Variants in RDX observed in about 807,000 individuals in gnomAD.
RDX encodes radixin, also known as deafness, autosomal recessive 24.
A neutral mutation model predicts 83.7 loss-of-function variants in RDX; 32 were observed. The ratio of observed to expected loss-of-function variants is 0.38; its 90% CI spans 0.29 to 0.51. RDX has a LOEUF of 0.51. Among genes scored for constraint, RDX ranks in the 20% least tolerant of loss-of-function variants. The probability of loss-of-function intolerance (pLI) is 0.87; values close to 1 mark genes in which losing one functional copy is unlikely to be tolerated. For missense variants in RDX, 600 were observed against 689.9 expected (o/e 0.87, Z 1.46); for synonymous variants, 229 against 222.7 (o/e 1.03, Z -0.25).
At chr11:110,222,534 C>T (rs1331541368) in intron 14 of RDX, among the ~76,000 whole-genome samples, 1 of 152,190 alleles carries the variant, frequency 6.6e-6, no homozygotes, top group Non-Finnish European at 1.5e-5. Flanking sequence ...TGGTGGCTGA[C>T]ACCTGTAATC....
At chr11:110,295,907 T>C (rs1861436434) in intron 1 of RDX, among the ~76,000 whole-genome samples, 2 of 152,126 alleles carry the variant, frequency 1.3e-5, no homozygotes, top group African/African-American at 4.8e-5. Flanking sequence ...CCAAAGCCTG[T>C]CATGCAACAT....
intron 11 of RDX, chr11:110,236,484 CAAT>C (rs1864855496): frequency 6.2e-6 from 2 of 321,458 alleles, no homozygotes; most frequent in East Asian, 1.4e-4. Context: ...AAATTTCCAT[CAAT>C]AAACTATTTG....
At chr11:110,292,858 T>C (rs2134457378) in intron 1 of RDX, among the ~76,000 whole-genome samples, 1 of 152,342 alleles carries the variant, frequency 6.6e-6, no homozygotes, top group Admixed American at 6.5e-5. Flanking sequence ...ACTTTTTTTG[T>C]AAAGAGCAAG....
chr11:110,293,809 C>T (rs1473731093), intron 1 of RDX, among the ~76,000 whole-genome samples: 1 of 152,186 alleles, frequency 6.6e-6, no homozygotes, highest in African/African-American at 2.4e-5. Context: ...ATATAAACTC[C>T]AGCAGCATAT....
chr11:110,257,766 C>T lies in RDX; in HGVS notation c.698+1G>A, dbSNP rs1191259480. On this transcript the variant is annotated splice_donor_variant, in intron 7 of 13. Transcript: ENST00000645495. LOFTEE classifies it high-confidence loss of function. The stretch of plus-strand genomic sequence containing the variant: ...GTTCACTATGCAACTAATTTACTTA[C>T]TTGTCGTCATGCTCATAAATATTCA... 1 of 1,611,554 alleles carries T rather than the reference C, an allele frequency of 6.2e-7. No homozygotes were observed. The highest frequency in any genetic ancestry group is 1.3e-5 in the African/African-American group (1 of 74,856).
intron 1 of RDX, among the ~76,000 whole-genome samples, chr11:110,295,321 AAAAAAAG>A (rs1199341566): frequency 6.6e-6 from 1 of 151,406 alleles, no homozygotes; most frequent in East Asian, 1.9e-4. Context: ...AAAAAAAAAA[AAAAAAAG>A]AAGTATGCTC....
downstream of RDX, among the ~76,000 whole-genome samples, chr11:110,228,694 C>T (rs1021635044): frequency 3.3e-5 from 5 of 151,686 alleles, no homozygotes; most frequent in African/African-American, 9.7e-5. Context: ...GGACAGAATA[C>T]AGTGGGATTT....
intron 5 of RDX, among the ~76,000 whole-genome samples, chr11:110,259,688 T>A (rs1458638934): frequency 2.6e-5 from 4 of 152,192 alleles, no homozygotes; most frequent in African/African-American, 4.8e-5. Flanking sequence ...TCTTGCTGTC[T>A]GGCCTCTGGG....
intron 15 of RDX, among the ~76,000 whole-genome samples, chr11:110,196,418 T>C (rs1173680465): frequency 6.6e-6 from 1 of 152,220 alleles, no homozygotes; most frequent in Non-Finnish European, 1.5e-5. Flanking sequence ...CACTCTGACC[T>C]CAGCCTGGTT....
intron 1 of RDX, among the ~76,000 whole-genome samples, chr11:110,286,072 C>G (rs1860968598): frequency 6.6e-6 from 1 of 152,058 alleles, no homozygotes; most frequent in South Asian, 2.1e-4. Context: ...TAATTTTAAT[C>G]TGCAAGTTTA....
At chr11:110,226,764 T>C (rs907782485), downstream of RDX, among the ~76,000 whole-genome samples, 2 of 152,200 alleles carry the variant, frequency 1.3e-5, no homozygotes, top group Admixed American at 6.5e-5. Flanking sequence ...TGAGTCTTCC[T>C]AGGTTAGAAA....
chr11:110,260,545 G>A (rs1483238846), intron 5 of RDX, among the ~76,000 whole-genome samples: 1 of 152,168 alleles, frequency 6.6e-6, no homozygotes, highest in Non-Finnish European at 1.5e-5. Flanking sequence ...GGGTTCCAGT[G>A]ATTCTCAGGT....
intron 10 of RDX, among the ~76,000 whole-genome samples, chr11:110,246,322 T>C (rs1049697876): frequency 6.6e-6 from 1 of 152,210 alleles, no homozygotes; most frequent in African/African-American, 2.4e-5. Context: ...CCCTTACAAT[T>C]ATTCTACTCA....
chr11:110,271,823 T>C (rs1468200802), intron 3 of RDX, among the ~76,000 whole-genome samples: 1 of 152,172 alleles, frequency 6.6e-6, no homozygotes, highest in African/African-American at 2.4e-5. Context: ...GGGATCTCTG[T>C]ATAGCCTATA....
chr11:110,279,108 C>T (rs1591180485), intron 2 of RDX, among the ~76,000 whole-genome samples: 1 of 152,282 alleles, frequency 6.6e-6, no homozygotes, highest in East Asian at 1.9e-4. Context: ...TCCCATTTAA[C>T]AATGTTACCA....
chr11:110,276,684 T>C (rs1167984241), intron 2 of RDX, among the ~76,000 whole-genome samples: 7 of 152,236 alleles, frequency 4.6e-5, no homozygotes, highest in Non-Finnish European at 8.8e-5. Flanking sequence ...AAGAAGTGCT[T>C]ATAATTTGCT....
chr11:110,196,394 G>A (rs779408534), intron 15 of RDX, among the ~76,000 whole-genome samples: 23 of 151,990 alleles, frequency 1.5e-4, no homozygotes, highest in Non-Finnish European at 2.6e-4. Flanking sequence ...ATAAAGGTGC[G>A]TCCACAAACT....
chr11:110,239,130 T>TA (rs1055375707), intron 10 of RDX, among the ~76,000 whole-genome samples: 71 of 133,946 alleles, frequency 5.3e-4, no homozygotes, highest in South Asian at 4.6e-3. Context: ...AAACTAAAAT[T>TA]AAAAAAAAAA....
chr11:110,296,168 G>A (rs528356213), intron 1 of RDX, among the ~76,000 whole-genome samples: 6 of 152,310 alleles, frequency 3.9e-5, no homozygotes, highest in African/African-American at 4.8e-5. Flanking sequence ...GCGCCCCGAG[G>A]AAAGGAGAAT....
Sources: gnomAD v4.1 joint callset for allele counts (sites outside exome capture counted in the v4.1 genomes callset) on GRCh38, gnomAD v4.1.1 for gene constraint, MANE v1.5 for transcripts, NCBI Gene and HGNC (gene_info 2026-07-23, HGNC 2026-07-21) for gene names.